Variants in NTRK3 observed in about 807,000 individuals in gnomAD.
NTRK3 encodes the protein neurotrophic receptor tyrosine kinase 3.
A neutral mutation model predicts 91.7 loss-of-function variants in NTRK3; 24 were observed. The ratio of observed to expected loss-of-function variants is 0.26; its 90% CI spans 0.19 to 0.37. NTRK3 has a LOEUF of 0.37. Among genes scored for constraint, NTRK3 ranks in the 10% least tolerant of loss-of-function variants. The probability of loss-of-function intolerance (pLI) is 1.00; values close to 1 mark genes in which losing one functional copy is unlikely to be tolerated. For synonymous variants in NTRK3, 483 were observed against 404.0 expected (o/e 1.20, Z -2.34); for missense variants, 880 against 1,068.9 (o/e 0.82, Z 2.46).
chr15:87,872,969 C>A, exon 19 of NTRK3: 1 of 233,054 alleles, frequency 4.3e-6, no homozygotes, highest in Non-Finnish European at 8.5e-6. Flanking sequence ...AGAAATTTTG[C>A]TGGTCTTTTC....
At chr15:88,104,117 C>T (rs1354592592) in intron 13 of NTRK3, among the ~76,000 whole-genome samples, 1 of 152,172 alleles carries the variant, frequency 6.6e-6, no homozygotes, top group Non-Finnish European at 1.5e-5. Flanking sequence ...GAGAATACCA[C>T]TTTATAGAAT....
chr15:88,137,057 G>A (rs2041944603), intron 7 of NTRK3, among the ~76,000 whole-genome samples: 1 of 152,156 alleles, frequency 6.6e-6, no homozygotes, highest in South Asian at 2.1e-4. Flanking sequence ...CTCCTTAGAA[G>A]CTGCTGCCAT....
chr15:87,952,669 A>T (rs948875000), intron 14 of NTRK3, among the ~76,000 whole-genome samples: 2 of 152,056 alleles, frequency 1.3e-5, no homozygotes, highest in African/African-American at 4.8e-5. Context: ...TGACCTCTGC[A>T]TTTGGACACC....
At chr15:87,994,179 CG>C (rs2075507327) in intron 14 of NTRK3, among the ~76,000 whole-genome samples, 1 of 151,872 alleles carries the variant, frequency 6.6e-6, no homozygotes, top group South Asian at 2.1e-4. Flanking sequence ...GGCTGGGGAG[CG>C]GGAGACATTC....
intron 5 of NTRK3, among the ~76,000 whole-genome samples, chr15:88,160,410 T>TA (rs1030804804): frequency 3.9e-5 from 6 of 152,170 alleles, no homozygotes; most frequent in African/African-American, 1.4e-4. Context: ...GGTAGTGTCC[T>TA]AGAGGCTTGG....
intron 17 of NTRK3, chr15:87,928,876 C>T (rs1040708091): frequency 1.3e-5 from 7 of 547,348 alleles, no homozygotes; most frequent in Non-Finnish European, 2.3e-5. Context: ...TGGGCACATA[C>T]ATATACATGT....
intron 13 of NTRK3, among the ~76,000 whole-genome samples, chr15:88,096,710 G>T (rs756164716): frequency 6.6e-6 from 1 of 152,162 alleles, no homozygotes; most frequent in South Asian, 2.1e-4. Flanking sequence ...TCCAGTCCCT[G>T]CATCTGCAGT....
chr15:88,013,529 G>A (rs2077026285), intron 14 of NTRK3, among the ~76,000 whole-genome samples: 1 of 152,234 alleles, frequency 6.6e-6, no homozygotes, highest in Admixed American at 6.5e-5. Flanking sequence ...TTGAGGAATA[G>A]AAATGAATTC....
intron 3 of NTRK3, among the ~76,000 whole-genome samples, chr15:88,231,029 A>C (rs1162914376): frequency 6.6e-6 from 1 of 152,144 alleles, no homozygotes; most frequent in Non-Finnish European, 1.5e-5. Flanking sequence ...AAACTTAACC[A>C]ACATGGGTCT....
intron 14 of NTRK3, among the ~76,000 whole-genome samples, chr15:87,975,671 A>G (rs2073658396): frequency 6.6e-6 from 1 of 152,190 alleles, no homozygotes; most frequent in Non-Finnish European, 1.5e-5. Flanking sequence ...TTCAACACCT[A>G]GCAGTAAAAC....
At chr15:87,892,158 C>T (rs974464074) in intron 17 of NTRK3, among the ~76,000 whole-genome samples, 2 of 151,430 alleles carry the variant, frequency 1.3e-5, no homozygotes, top group South Asian at 4.2e-4. Flanking sequence ...ACTTCTCACC[C>T]ATTCTAAATC....
intron 3 of NTRK3, among the ~76,000 whole-genome samples, chr15:88,187,355 T>C (rs1466375423): frequency 6.6e-6 from 1 of 152,100 alleles, no homozygotes; most frequent in Non-Finnish European, 1.5e-5. Context: ...GGCCCTGACA[T>C]TTCCGGATGG....
intron 14 of NTRK3, among the ~76,000 whole-genome samples, chr15:87,999,846 A>G (rs1159027341): frequency 6.6e-6 from 1 of 152,170 alleles, no homozygotes; most frequent in Non-Finnish European, 1.5e-5. Flanking sequence ...TTACATTGCA[A>G]TATGATTCCA....
At chr15:87,929,404 C>T (rs2068598207) in exon 17 of NTRK3, 4 of 1,614,072 alleles carry the variant, frequency 2.5e-6, no homozygotes, top group Non-Finnish European at 1.7e-6. Flanking sequence ...GCTGTCCATC[C>T]ACAAGGATCA....
intron 3 of NTRK3, among the ~76,000 whole-genome samples, chr15:88,208,235 TTCCCTCCCACA>T (rs2048955892): frequency 6.6e-6 from 1 of 151,978 alleles, no homozygotes. Flanking sequence ...AGTCCATTTC[TTCCCTCCCACA>T]TCCCTCCCAC....
intron 13 of NTRK3, among the ~76,000 whole-genome samples, chr15:88,112,432 G>A (rs2051510702): frequency 1.3e-5 from 2 of 152,188 alleles, no homozygotes; most frequent in Non-Finnish European, 2.9e-5. Context: ...ATTCAGCCCA[G>A]AGGGTTTTTC....
At chr15:87,961,970 T>C (rs2072342585) in intron 14 of NTRK3, among the ~76,000 whole-genome samples, 1 of 152,226 alleles carries the variant, frequency 6.6e-6, no homozygotes, top group Non-Finnish European at 1.5e-5. Context: ...CTGGCATCCA[T>C]TGTCCCTCTC....
At chr15:88,047,669 C>A (rs948287824) in intron 13 of NTRK3, among the ~76,000 whole-genome samples, 8 of 152,064 alleles carry the variant, frequency 5.3e-5, no homozygotes, top group Non-Finnish European at 1.2e-4. Flanking sequence ...TTGAAGCCTG[C>A]CAAAAAGGGA....
intron 14 of NTRK3, among the ~76,000 whole-genome samples, chr15:87,993,222 C>T (rs919337956): frequency 1.3e-5 from 2 of 152,054 alleles, no homozygotes; most frequent in Non-Finnish European, 2.9e-5. Context: ...ATATGATGAG[C>T]AAAAGACAAA....
Sources: allele counts gnomAD v4.1 joint callset (sites outside exome capture counted in the v4.1 genomes callset), GRCh38; gene constraint gnomAD v4.1.1; transcripts MANE v1.5; gene names NCBI Gene and HGNC (gene_info 2026-07-23, HGNC 2026-07-21).